The following SLC5A12 variants were observed in gnomAD, a reference collection of about 807,000 sequenced individuals.
The protein encoded by SLC5A12 is sodium-coupled monocarboxylate transporter 2.
A neutral mutation model predicts 72.7 loss-of-function variants in SLC5A12; 46 were observed. The observed-to-expected ratio is 0.63, with a 90% CI of 0.50 to 0.81. SLC5A12 has a LOEUF of 0.81. Ranked by LOEUF, SLC5A12 falls within the 30% of genes least tolerant of loss-of-function variation. The pLI is 0.00. For synonymous variants in SLC5A12, 275 were observed against 264.4 expected (o/e 1.04, Z -0.39); for missense variants, 683 against 740.7 (o/e 0.92, Z 0.90).
At chr11:26,702,392 G>A (rs1287442500) in intron 6 of SLC5A12, among the ~76,000 whole-genome samples, 1 of 152,106 alleles carries the variant, frequency 6.6e-6, no homozygotes, top group African/African-American at 2.4e-5. Context: ...TTTATTTAGT[G>A]AAATAAGAAA....
chr11:26,716,837 C>A (rs1855361630), intron 1 of SLC5A12, among the ~76,000 whole-genome samples: 1 of 152,122 alleles, frequency 6.6e-6, no homozygotes, highest in South Asian at 2.1e-4. Flanking sequence ...AATTACCTCC[C>A]CGCTTCAGCA....
intron 1 of SLC5A12, among the ~76,000 whole-genome samples, chr11:26,715,088 T>G (rs1051299721): frequency 6.6e-6 from 1 of 152,170 alleles, no homozygotes; most frequent in Non-Finnish European, 1.5e-5. Flanking sequence ...AAGACTATTT[T>G]CTGCCACTAA....
At position 26,712,123 on chromosome 11, in the gene SLC5A12, G is replaced by A. The variant is rs1017251908; in HGVS notation, c.405+518C>T. ...GAGTAGTAGGAAGTCTATCAATGCC[G>A]TGCCATGGGCAAATTTGGAGCAGCA... On this transcript the variant is annotated intron_variant, in intron 2 of 14. Transcript: ENST00000396005. Among the ~76,000 whole-genome samples the A allele has an allele frequency of 1.6e-4, 24 of 152,170 alleles. No homozygotes were observed. The South Asian group carries it at 1.7e-3, about 11-fold the overall frequency.
intron 7 of SLC5A12, 113 bp downstream of exon 7, chr11:26,698,293 T>G (rs1854874691): frequency 7.3e-6 from 10 of 1,368,020 alleles, no homozygotes; most frequent in Middle Eastern, 2.7e-4. Context: ...TTCTTGGGGT[T>G]TGAGAAATAG....
At chr11:26,719,099 C>T (rs150684547) in intron 1 of SLC5A12, among the ~76,000 whole-genome samples, 103 of 152,148 alleles carry the variant, frequency 6.8e-4, no homozygotes, top group African/African-American at 2.4e-3. Context: ...TTTACTAAAA[C>T]CAGTTATGGC....
At chr11:26,698,971 A>G (rs550219081) in intron 6 of SLC5A12, among the ~76,000 whole-genome samples, 11 of 152,200 alleles carry the variant, frequency 7.2e-5, no homozygotes, top group Non-Finnish European at 1.5e-4. Context: ...ACAGAAATAG[A>G]TAAGTGTTGG....
At chr11:26,692,659 C>A in intron 8 of SLC5A12, 58 bp from the exon 9 acceptor site, 1 of 1,239,496 alleles carries the variant, frequency 8.1e-7, no homozygotes, top group Non-Finnish European at 1.2e-6. Context: ...AGCTACCAGC[C>A]TGCCCTCTTG....
chr11:26,711,380 G>T (rs750339929), intron 2 of SLC5A12, 22 bp from the exon 3 acceptor site: 2 of 1,599,950 alleles, frequency 1.3e-6, no homozygotes, highest in Non-Finnish European at 1.7e-6. Flanking sequence ...ACAAGAATCA[G>T]ATTGGCAGTG....
At chr11:26,705,264 T>C (rs1444023127) in intron 4 of SLC5A12, among the ~76,000 whole-genome samples, 1 of 151,948 alleles carries the variant, frequency 6.6e-6, no homozygotes, top group African/African-American at 2.4e-5. Flanking sequence ...AGAGAGGCTG[T>C]TGTAGTATTA....
chr11:26,682,801 T>C (rs989073909), intron 11 of SLC5A12, among the ~76,000 whole-genome samples: 11 of 152,172 alleles, frequency 7.2e-5, no homozygotes, highest in African/African-American at 2.4e-4. Flanking sequence ...TCCCTCACAT[T>C]ATCTCCCCAA....
intron 14 of SLC5A12, 34 bp from the exon 15 acceptor site, chr11:26,671,285 T>C (rs1221128088): frequency 6.4e-7 from 1 of 1,557,546 alleles, no homozygotes; most frequent in Non-Finnish European, 8.7e-7. Context: ...ATTAGCAAGA[T>C]ATCCTTGATG....
rs909748451 is a variant in SLC5A12, at chr11:26,669,900, C to G, written c.*1202G>C. On this transcript the variant is annotated 3_prime_UTR_variant, in exon 15 of 15. Coordinates refer to ENST00000396005, the MANE Select transcript of SLC5A12 (RefSeq NM_178498.4). The stretch of plus-strand genomic sequence containing the variant: ...CCTAATATATGACTCTCAGATACAA[C>G]TTTGTTTCTTATTATCTGTCCTCTG... 1 of 152,058 alleles carries G rather than the reference C, an allele frequency of 6.6e-6. No individual in the cohort carries two copies. The highest frequency in any genetic ancestry group is 1.5e-5 in the Non-Finnish European group (1 of 67,992). The allele number at this position is 152,058 out of a possible 1,614,324, so 9.4% of individuals were successfully genotyped here.
At chr11:26,689,330 G>C (rs552377038) in intron 9 of SLC5A12, among the ~76,000 whole-genome samples, 1 of 152,092 alleles carries the variant, frequency 6.6e-6, no homozygotes, top group Admixed American at 6.5e-5. Flanking sequence ...CCCGGGAGGC[G>C]GAGGTGGCAG....
At chr11:26,713,770 C>G (rs926875385) in intron 1 of SLC5A12, among the ~76,000 whole-genome samples, 4 of 152,116 alleles carry the variant, frequency 2.6e-5, no homozygotes, top group Admixed American at 2.6e-4. Flanking sequence ...TTTATTACCT[C>G]TCAGTACTGA....
At position 26,671,246 on chromosome 11, in the gene SLC5A12, G is replaced by C; in HGVS notation, c.1713C>G (p.Asn571Lys). Reference sequence around the variant, plus strand: ...GTTTCCGGGCACTGCCATTCTCAAGGTTTTCCTGAGGGAAATACAAAGACA... The same window carrying C: ...GTTTCCGGGCACTGCCATTCTCAAGCTTTTCCTGAGGGAAATACAAAGACA... ...VQHDSGTEQE[N>K]LENGSARKQG... Residue 571 changes from asparagine (N) to lysine (K), a missense_variant, in exon 15 of 15, where the codon AAC becomes AAG. Asn to Lys is a moderately conservative substitution (Grantham distance 94). Transcript: ENST00000396005. 1 of 1,594,118 alleles carries C rather than the reference G, an allele frequency of 6.3e-7. No homozygotes were observed. Among genetic ancestry groups the C allele is most frequent in the Non-Finnish European group, 8.5e-7 (1 of 1,170,894 alleles).
At chr11:26,708,723 A>G (rs976884448) in intron 4 of SLC5A12, among the ~76,000 whole-genome samples, 2 of 152,064 alleles carry the variant, frequency 1.3e-5, no homozygotes, top group Admixed American at 6.6e-5. Context: ...ATGTTTAACT[A>G]AACTATATAT....
intron 1 of SLC5A12, among the ~76,000 whole-genome samples, chr11:26,716,107 GT>G (rs777602811): frequency 6.6e-6 from 1 of 152,154 alleles, no homozygotes; most frequent in Non-Finnish European, 1.5e-5. Context: ...GCACAAGGAA[GT>G]CTGGAAAACA....
chr11:26,715,337 C>G (rs1855325873), intron 1 of SLC5A12, among the ~76,000 whole-genome samples: 1 of 43,686 alleles, frequency 2.3e-5, no homozygotes, highest in Admixed American at 3.7e-4. Flanking sequence ...TAGGGCAGAT[C>G]AGAAGGCTTG....
chr11:26,705,837 C>T (rs566626895), intron 4 of SLC5A12, among the ~76,000 whole-genome samples: 3 of 151,746 alleles, frequency 2.0e-5, no homozygotes, highest in Non-Finnish European at 4.4e-5. Flanking sequence ...ACCACTTTAT[C>T]AGATATTAAT....
Sources: allele counts gnomAD v4.1 joint callset (sites outside exome capture counted in the v4.1 genomes callset), GRCh38; gene constraint gnomAD v4.1.1; transcripts MANE v1.5; gene names NCBI Gene and HGNC (gene_info 2026-07-23, HGNC 2026-07-21).